Variants in LRCH2 observed in about 807,000 individuals in gnomAD.
The protein encoded by LRCH2 is leucine rich repeats and calponin homology domain containing 2.
In LRCH2, 38 loss-of-function variants were observed where a neutral mutation model predicts 68.9. That is an observed-to-expected ratio of 0.55 (90% CI 0.43 to 0.72). LRCH2 has a LOEUF of 0.72. LRCH2 is among the 30% of genes least tolerant of loss of function. The pLI, the probability that LRCH2 is intolerant of heterozygous loss-of-function variation, is 0.00. For missense variants in LRCH2, 528 were observed against 572.9 expected (o/e 0.92, Z 0.80); for synonymous variants, 191 against 208.1 (o/e 0.92, Z 0.71).
intron 1 of LRCH2, chrX:115,192,593 G>T (rs911159842): frequency 8.5e-7 from 1 of 1,171,656 alleles, no homozygotes; most frequent in Non-Finnish European, 1.1e-6. Flanking sequence ...CCCAGGGGCG[G>T]AGGCCGTCAA....
intron 16 of LRCH2, among the ~76,000 whole-genome samples, chrX:115,124,611 T>A (rs782790429): frequency 1.8e-4 from 20 of 112,278 alleles, no homozygotes; most frequent in Non-Finnish European, 3.8e-5. Flanking sequence ...TGTTTCTTCA[T>A]CTTTCAAATG....
At chrX:115,207,970 A>AC (rs1315438173) in intron 1 of LRCH2, among the ~76,000 whole-genome samples, 14 of 111,875 alleles carry the variant, frequency 1.3e-4, no homozygotes, top group Non-Finnish European at 2.4e-4. Flanking sequence ...ATTGTGCCAC[A>AC]CAATGCCAGT....
chrX:115,117,179 C>G (rs1279121409), intron 20 of LRCH2, among the ~76,000 whole-genome samples: 4 of 111,371 alleles, frequency 3.6e-5, no homozygotes, highest in Non-Finnish European at 7.6e-5. Flanking sequence ...GGCAAATAAG[C>G]CTTGAAAAGA....
rs1037709960 is a variant in LRCH2 at position 115,129,251 on chromosome X, T to C, written c.1740+904A>G. ...TGAAGACATGCTAGAGACCACACAG[T>C]AGGCCATTCCCTGGGAATAATATTT... On this transcript the variant is annotated intron_variant, in intron 15 of 20. Coordinates refer to ENST00000317135, the MANE Select transcript of LRCH2 (RefSeq NM_020871.4). Among the ~76,000 whole-genome samples, 142 of 110,915 alleles carry C rather than the reference T, an allele frequency of 1.3e-3. 1 individual carries two copies. Among genetic ancestry groups the C allele is most frequent in the African/African-American group, 4.3e-3 (132 of 30,527 alleles).
chrX:115,234,003 G>C lies in LRCH2; in HGVS notation c.39C>G (p.Gly13=). ...ASQGGGGNSG[G]GGCGGGGSSG... is the part of the protein sequence containing the mutation. ...TACTTCCACCTCCACCACAACCGCC[G>C]CCCCCACTGTTACCGCCTCCTCCCT... The change falls in exon 1 of 21, where the codon GGC becomes GGG. Residue 13 remains glycine (G), a synonymous_variant. Coordinates refer to ENST00000317135, the MANE Select transcript of LRCH2 (RefSeq NM_020871.4). The C allele has an allele frequency of 2.6e-6, 3 of 1,157,147 alleles. No homozygotes were observed. The highest frequency in any genetic ancestry group is 3.5e-6 in the Non-Finnish European group (3 of 867,985).
At chrX:115,226,758 C>T (rs1556576371) in intron 1 of LRCH2, among the ~76,000 whole-genome samples, 1 of 111,059 alleles carries the variant, frequency 9.0e-6, no homozygotes, top group African/African-American at 3.3e-5. Flanking sequence ...GGGTGAATAA[C>T]GAGAGTTCAT....
chrX:115,221,889 G>T (rs782121849), intron 1 of LRCH2, among the ~76,000 whole-genome samples: 2 of 95,612 alleles, frequency 2.1e-5, no homozygotes, highest in Admixed American at 1.2e-4. Flanking sequence ...GGGATACAAA[G>T]AATCAATAGG....
chrX:115,233,710 G>T lies in LRCH2; in HGVS notation c.332C>A (p.Thr111Lys). Reference sequence around the variant, plus strand: ...CCTGTCACCTGCTTGGGTGGTGTCCGTCAGGTCGTAGCCGCTGCCCGGGAA... The same window carrying T: ...CCTGTCACCTGCTTGGGTGGTGTCCTTCAGGTCGTAGCCGCTGCCCGGGAA... The part of the protein sequence containing the change: ...RDFPGSGYDL[T>K]DTTQADLSRN... Residue 111 changes from threonine to lysine, a missense_variant, in exon 1 of 21, where the codon ACG becomes AAG. Transcript: ENST00000317135. 1 of 1,165,198 alleles carries T rather than the reference G, an allele frequency of 8.6e-7. No individual in the cohort carries two copies. Among genetic ancestry groups the T allele is most frequent in the Non-Finnish European group, 1.1e-6 (1 of 870,245 alleles).
At chrX:115,145,048 C>T (rs1556535586) in intron 14 of LRCH2, among the ~76,000 whole-genome samples, 1 of 111,770 alleles carries the variant, frequency 8.9e-6, no homozygotes, top group East Asian at 2.8e-4. Flanking sequence ...TCAAATTATA[C>T]TACAGACCTA....
At position 115,191,477 on chromosome X, in the gene LRCH2, C is replaced by T. The variant is rs991576634; in HGVS notation, c.350-3107G>A. The T allele has an allele frequency of 6.9e-6, 8 of 1,152,264 alleles. No individual in the cohort carries two copies. The highest frequency in any genetic ancestry group is 9.2e-6 in the Non-Finnish European group (8 of 866,879). The allele number at this position is 1,152,264 out of a possible 1,213,427, so 95.0% of individuals were successfully genotyped here. On this transcript the variant is annotated intron_variant, in intron 1 of 20. Coordinates refer to ENST00000317135, the MANE Select transcript of LRCH2 (RefSeq NM_020871.4). ...GAGTACCGAGGCCGCTTGCTCGATGCCAACAGTGGAGGCCGCTCGCCTGAT... is the reference window on the plus strand; with the variant it reads ...GAGTACCGAGGCCGCTTGCTCGATGTCAACAGTGGAGGCCGCTCGCCTGAT...
chrX:115,170,847 T>C (rs1232940406), intron 5 of LRCH2, among the ~76,000 whole-genome samples: 1 of 111,484 alleles, frequency 9.0e-6, no homozygotes, highest in African/African-American at 3.3e-5. Context: ...CACTAAGATG[T>C]TTGGCATAAA....
At chrX:115,128,551 C>G (rs978548984) in intron 15 of LRCH2, among the ~76,000 whole-genome samples, 12 of 112,254 alleles carry the variant, frequency 1.1e-4, no homozygotes, top group African/African-American at 3.9e-4. Context: ...ACTGTACTCA[C>G]CTATTTTTAG....
At chrX:115,222,607 A>G (rs942332963) in intron 1 of LRCH2, among the ~76,000 whole-genome samples, 1 of 112,520 alleles carries the variant, frequency 8.9e-6, no homozygotes, top group African/African-American at 3.2e-5. Flanking sequence ...GCAATGAACA[A>G]TCCAAAAACT....
chrX:115,168,848 C>T (rs1244922377), intron 6 of LRCH2, among the ~76,000 whole-genome samples: 2 of 111,141 alleles, frequency 1.8e-5, no homozygotes, highest in Non-Finnish European at 3.8e-5. Context: ...TAAAACTGTC[C>T]AATGACTTCC....
intron 1 of LRCH2, among the ~76,000 whole-genome samples, chrX:115,233,067 A>G (rs185522674): frequency 2.5e-4 from 28 of 112,307 alleles, no homozygotes; most frequent in African/African-American, 8.4e-4. Context: ...TAGTAAGCAG[A>G]CATGTAAGTG....
chrX:115,177,476 A>C (rs2072659412), intron 5 of LRCH2, among the ~76,000 whole-genome samples: 1 of 111,386 alleles, frequency 9.0e-6, no homozygotes. Flanking sequence ...TCTGGGAGCC[A>C]AACTGGAGCG....
intron 12 of LRCH2, among the ~76,000 whole-genome samples, chrX:115,152,476 C>A (rs1556538537): frequency 9.0e-6 from 1 of 111,647 alleles, no homozygotes; most frequent in East Asian, 2.8e-4. Flanking sequence ...ATAAAAAGTG[C>A]AACATCTGAA....
chrX:115,206,930 A>T (rs1466927018), intron 1 of LRCH2, among the ~76,000 whole-genome samples: 1 of 110,905 alleles, frequency 9.0e-6, no homozygotes, highest in Non-Finnish European at 1.9e-5. Context: ...ATAACATAAA[A>T]CTATTTGTAT....
intron 16 of LRCH2, among the ~76,000 whole-genome samples, chrX:115,124,979 T>C (rs2072173886): frequency 9.0e-6 from 1 of 111,402 alleles, no homozygotes; most frequent in Admixed American, 9.6e-5. Flanking sequence ...GATATGCAGT[T>C]CAGGTTAAAT....
Sources: gnomAD v4.1 joint callset for allele counts (sites outside exome capture counted in the v4.1 genomes callset) on GRCh38, gnomAD v4.1.1 for gene constraint, MANE v1.5 for transcripts, NCBI Gene and HGNC (gene_info 2026-07-23, HGNC 2026-07-21) for gene names.